The following NRG1 variants were observed in gnomAD, a reference collection of about 807,000 sequenced individuals.
NRG1 encodes neuregulin 1.
In NRG1, 18 loss-of-function variants were observed where a neutral mutation model predicts 63.8. The observed-to-expected ratio is 0.28, with a 90% CI of 0.19 to 0.42. The LOEUF is 0.42. NRG1 is among the 10% of genes least tolerant of loss of function. The probability of loss-of-function intolerance (pLI) is 1.00; values close to 1 mark genes in which losing one functional copy is unlikely to be tolerated. For synonymous variants in NRG1, 302 were observed against 301.3 expected, an observed-to-expected ratio of 1.00 and a Z score of -0.02; for missense variants, 762 against 814.7, an observed-to-expected ratio of 0.94 and a Z score of 0.79.
chr8:32,181,451 G>T (rs1341755956), intron 1 of NRG1, among the ~76,000 whole-genome samples: 3 of 151,934 alleles, frequency 2.0e-5, no homozygotes, highest in African/African-American at 2.4e-5. Flanking sequence ...TTGTATCCAG[G>T]ACAGTGTCTG....
intron 1 of NRG1, among the ~76,000 whole-genome samples, chr8:31,945,981 C>G (rs1199524713): frequency 6.6e-6 from 1 of 152,194 alleles, no homozygotes; most frequent in African/African-American, 2.4e-5. Flanking sequence ...CTGCAGACAT[C>G]TGTGGAATTT....
At chr8:32,649,238 T>C (rs954861237) in intron 5 of NRG1, among the ~76,000 whole-genome samples, 1 of 151,466 alleles carries the variant, frequency 6.6e-6, no homozygotes, top group Non-Finnish European at 1.5e-5. Flanking sequence ...ACCTGTGATG[T>C]GCAGAGAGCC....
chr8:32,311,697 C>G (rs1856817436), intron 1 of NRG1, among the ~76,000 whole-genome samples: 1 of 152,150 alleles, frequency 6.6e-6, no homozygotes, highest in Non-Finnish European at 1.5e-5. Flanking sequence ...ATCACCAAGG[C>G]TCTGCATGCT....
At chr8:32,539,879 G>T (rs1407241021) in intron 1 of NRG1, among the ~76,000 whole-genome samples, 1 of 152,182 alleles carries the variant, frequency 6.6e-6, no homozygotes, top group African/African-American at 2.4e-5. Context: ...TAAGATGAGT[G>T]TATCAATGTC....
chr8:32,549,216 G>C (rs912355021), intron 1 of NRG1, among the ~76,000 whole-genome samples: 2 of 152,266 alleles, frequency 1.3e-5, no homozygotes, highest in Non-Finnish European at 2.9e-5. Flanking sequence ...GCTTTGCACG[G>C]GGGCCGTGTG....
At chr8:32,392,693 G>A (rs1452968024) in intron 1 of NRG1, among the ~76,000 whole-genome samples, 8 of 152,170 alleles carry the variant, frequency 5.3e-5, no homozygotes, top group Admixed American at 5.2e-4. Context: ...ATACAGATTT[G>A]CTAATTTCCA....
chr8:32,755,539 C>T (rs1356808062), intron 8 of NRG1, among the ~76,000 whole-genome samples: 4 of 152,050 alleles, frequency 2.6e-5, no homozygotes, highest in East Asian at 1.9e-4. Context: ...TCTCAATATT[C>T]GCTGCCTAAT....
At chr8:32,385,051 G>T (rs571197403) in intron 1 of NRG1, among the ~76,000 whole-genome samples, 2 of 152,182 alleles carry the variant, frequency 1.3e-5, no homozygotes, top group Admixed American at 1.3e-4. Flanking sequence ...ACGGAGTCTC[G>T]CTCTGTCACC....
intron 1 of NRG1, among the ~76,000 whole-genome samples, chr8:31,737,723 T>C (rs1814829993): frequency 6.6e-6 from 1 of 152,142 alleles, no homozygotes; most frequent in Non-Finnish European, 1.5e-5. Flanking sequence ...TTAGGTCAAT[T>C]AGACCACCTT....
chr8:32,003,463 C>T (rs577649644), intron 1 of NRG1, among the ~76,000 whole-genome samples: 20 of 151,948 alleles, frequency 1.3e-4, no homozygotes, highest in African/African-American at 4.3e-4. Flanking sequence ...AATTCAAAAG[C>T]GTGGCAATCA....
chr8:31,778,229 C>T (rs1392499692), intron 1 of NRG1, among the ~76,000 whole-genome samples: 3 of 152,156 alleles, frequency 2.0e-5, no homozygotes. Context: ...TACTCAATGC[C>T]ACTACTGAGC....
At chr8:32,214,788 C>T (rs902284293) in intron 1 of NRG1, among the ~76,000 whole-genome samples, 1 of 152,102 alleles carries the variant, frequency 6.6e-6, no homozygotes, top group Non-Finnish European at 1.5e-5. Context: ...GCTCTAAATA[C>T]TAAGCAAGAA....
chr8:31,679,644 CAAGTT>C (rs1363521600), intron 1 of NRG1, among the ~76,000 whole-genome samples: 1 of 151,956 alleles, frequency 6.6e-6, no homozygotes, highest in Non-Finnish European at 1.5e-5. Context: ...AGATTACAAA[CAAGTT>C]AATACATCTT....
intron 11 of NRG1, among the ~76,000 whole-genome samples, chr8:32,761,227 A>G (rs1830621683): frequency 6.6e-6 from 1 of 152,224 alleles, no homozygotes; most frequent in Non-Finnish European, 1.5e-5. Context: ...TTTCTAGCCC[A>G]TCAGTAAGCT....
chr8:31,788,115 A>G (rs903855427), intron 1 of NRG1, among the ~76,000 whole-genome samples: 7 of 152,094 alleles, frequency 4.6e-5, no homozygotes, highest in Admixed American at 4.6e-4. Context: ...TTTATCTTGT[A>G]TCTGTAAAGA....
intron 1 of NRG1, among the ~76,000 whole-genome samples, chr8:32,164,480 A>G (rs1487547254): frequency 6.6e-6 from 1 of 152,170 alleles, no homozygotes. Context: ...CAGTGTTCCC[A>G]GACATTTAGG....
chr8:32,020,470 C>A (rs927554224), intron 1 of NRG1, among the ~76,000 whole-genome samples: 1 of 151,962 alleles, frequency 6.6e-6, no homozygotes, highest in Non-Finnish European at 1.5e-5. Flanking sequence ...CATTTTATTT[C>A]CTTTCCTTGC....
In NRG1 at chr8:31,640,128, G is replaced by T. The variant is rs1488386635; in HGVS notation, c.37+697G>T. On this transcript the variant is annotated intron_variant, in intron 1 of 10. Transcript: ENST00000519301. This position sits in a 1 kb window ranked among gnomAD's most constrained non-coding sequence, Gnocchi z 6.3. ...GGACCGCGGCCCTGGCGCCGGGGGC[G>T]GCGGCCGGCAACGAGGCGGCTCCCG... 8.6e-7 allele frequency: 1 copy of T among 1,157,422 alleles called. No homozygotes were observed. Among genetic ancestry groups the T allele is most frequent in the Admixed American group, 4.8e-5 (1 of 20,914 alleles). 71.7% of individuals were successfully genotyped at this position (1,157,422 alleles called of 1,614,324 possible).
intron 10 of NRG1, 100 bp from the exon 11 acceptor site, chr8:32,760,100 T>C: frequency 7.4e-7 from 1 of 1,347,230 alleles, no homozygotes; most frequent in Non-Finnish European, 1.0e-6. Flanking sequence ...GGTGCATCAG[T>C]AGTTTGAAAC....
Sources: gnomAD v4.1 joint callset for allele counts (sites outside exome capture counted in the v4.1 genomes callset) on GRCh38, gnomAD v4.1.1 for gene constraint, Gnocchi (gnomAD v3.1) non-coding constraint, MANE v1.5 for transcripts, NCBI Gene and HGNC (gene_info 2026-07-23, HGNC 2026-07-21) for gene names.